The following KCNIP1 variants were observed in gnomAD, a reference collection of about 807,000 sequenced individuals.
KCNIP1 encodes the protein potassium voltage-gated channel interacting protein 1.
Under a neutral mutation model 33.0 loss-of-function variants are expected in KCNIP1, and 18 were observed. The observed-to-expected ratio is 0.55, with a 90% confidence interval of 0.38 to 0.81. The LOEUF (loss-of-function observed/expected upper bound fraction) is 0.81. KCNIP1 is among the 30% of genes least tolerant of loss of function. KCNIP1 has a pLI of 0.00. For synonymous variants in KCNIP1, 93 were observed against 98.3 expected, an observed-to-expected ratio of 0.95 and a Z score of 0.32; for missense variants, 238 against 271.6, an observed-to-expected ratio of 0.88 and a Z score of 0.87.
At chr5:170,409,505 G>T (rs181253236) in intron 1 of KCNIP1, among the ~76,000 whole-genome samples, 1 of 152,202 alleles carries the variant, frequency 6.6e-6, no homozygotes, top group Non-Finnish European at 1.5e-5. Flanking sequence ...CCATGAATAA[G>T]TTCACAGAGG....
At chr5:170,452,009 C>T (rs1369051364) in intron 1 of KCNIP1, among the ~76,000 whole-genome samples, 1 of 151,772 alleles carries the variant, frequency 6.6e-6, no homozygotes, top group Non-Finnish European at 1.5e-5. Context: ...AGGCCATCCT[C>T]ATAAGTCCTG....
At chr5:170,654,031 G>A (rs1163608457) in intron 1 of KCNIP1, among the ~76,000 whole-genome samples, 2 of 151,994 alleles carry the variant, frequency 1.3e-5, no homozygotes, top group Admixed American at 6.6e-5. Context: ...CATCCTTTTC[G>A]CTTTCCAACC....
intron 1 of KCNIP1, among the ~76,000 whole-genome samples, chr5:170,574,695 A>G (rs562664861): frequency 6.6e-6 from 1 of 152,258 alleles, no homozygotes; most frequent in East Asian, 1.9e-4. Context: ...AGGTGGTTGG[A>G]GCCCATCCCA....
At chr5:170,369,394 G>A (rs1581116712) in intron 1 of KCNIP1, among the ~76,000 whole-genome samples, 1 of 152,178 alleles carries the variant, frequency 6.6e-6, no homozygotes. Context: ...TTTATTAACC[G>A]TGACTCTATT....
At chr5:170,433,475 C>T (rs2113450465) in intron 1 of KCNIP1, among the ~76,000 whole-genome samples, 1 of 152,338 alleles carries the variant, frequency 6.6e-6, no homozygotes, top group Admixed American at 6.5e-5. Context: ...GCATGAGCCA[C>T]TGTACCTGGC....
Position 170,723,278 on chromosome 5 carries a change from C to T in KCNIP1, c.435+458C>T, listed in dbSNP as rs866506761. Among the ~76,000 whole-genome samples the T allele has an allele frequency of 7.2e-5, 11 of 152,160 alleles. No homozygotes were observed. The East Asian group carries it at 9.6e-4, about 13-fold the overall frequency. ...AAACTATTTTGCCTATTAATACAACCGCCAAGGGGGTAATGGAAGGTACAG... is the reference window on the plus strand; with the variant it reads ...AAACTATTTTGCCTATTAATACAACTGCCAAGGGGGTAATGGAAGGTACAG... On this transcript the variant is annotated intron_variant, in intron 5 of 7. Transcript: ENST00000328939.
intron 1 of KCNIP1, among the ~76,000 whole-genome samples, chr5:170,441,107 C>A (rs1755977985): frequency 6.6e-6 from 1 of 152,202 alleles, no homozygotes; most frequent in African/African-American, 2.4e-5. Flanking sequence ...ACATGGCTTC[C>A]TTTAGTTCCT....
At position 170,504,095 on chromosome 5, in the gene KCNIP1, G is replaced by A. The variant is rs1032238113; in HGVS notation, c.-478G>A. ...CTGTGGCTCCGCGCCGCGCGGTCCG[G>A]GCTCTGTTCATTCATGATTGGTACT... On this transcript the variant is annotated 5_prime_UTR_variant, in exon 1 of 8. Coordinates refer to ENST00000328939, the MANE Select transcript of KCNIP1 (RefSeq NM_014592.4). The surrounding 1 kb of genome is among the most constrained non-coding windows in gnomAD (Gnocchi z 6.0). 11 of 986,148 alleles carry A rather than the reference G, an allele frequency of 1.1e-5. No individual in the cohort carries two copies. The highest frequency in any genetic ancestry group is 6.2e-5 in the Admixed American group (1 of 16,246). 61.1% of individuals were successfully genotyped at this position (986,148 alleles called of 1,614,324 possible). A position where few individuals can be genotyped will look rare whatever the true frequency, so the allele number is the denominator to read the frequency against.
At chr5:170,665,709 C>T (rs982619875) in intron 1 of KCNIP1, among the ~76,000 whole-genome samples, 6 of 152,172 alleles carry the variant, frequency 3.9e-5, no homozygotes, top group Admixed American at 1.3e-4. Context: ...CATTCCATTT[C>T]GTAGGCATGT....
intron 1 of KCNIP1, among the ~76,000 whole-genome samples, chr5:170,402,763 G>C (rs755742184): frequency 6.6e-6 from 1 of 152,172 alleles, no homozygotes; most frequent in Admixed American, 6.5e-5. Context: ...TCACACTCTT[G>C]GGATGGAGGC....
intron 7 of KCNIP1, among the ~76,000 whole-genome samples, chr5:170,734,269 T>C (rs772701018): frequency 2.2e-4 from 34 of 152,206 alleles, no homozygotes; most frequent in Non-Finnish European, 3.2e-4. Context: ...AAACCTACAA[T>C]TGTGTGATTC....
At chr5:170,528,252 T>G (rs1755652770) in intron 1 of KCNIP1, among the ~76,000 whole-genome samples, 1 of 152,162 alleles carries the variant, frequency 6.6e-6, no homozygotes, top group Non-Finnish European at 1.5e-5. Flanking sequence ...TTCCCCAGTC[T>G]GCAGCCCCTT....
intron 1 of KCNIP1, among the ~76,000 whole-genome samples, chr5:170,607,845 C>T (rs371299630): frequency 1.3e-5 from 2 of 152,158 alleles, no homozygotes; most frequent in African/African-American, 4.8e-5. Context: ...GCCTTCCAGC[C>T]ACAGGATGTG....
intron 1 of KCNIP1, among the ~76,000 whole-genome samples, chr5:170,683,895 T>A (rs1211535083): frequency 2.3e-4 from 1 of 4,380 alleles, no homozygotes; most frequent in Non-Finnish European, 1.2e-3. Flanking sequence ...AGCTAGTGTA[T>A]GTGTGTGTGT....
chr5:170,719,977 G>T (rs989533918), intron 2 of KCNIP1, among the ~76,000 whole-genome samples: 7 of 152,166 alleles, frequency 4.6e-5, no homozygotes, highest in Non-Finnish European at 7.3e-5. Flanking sequence ...GATACCCTTG[G>T]GGAAGTTATT....
At chr5:170,544,613 T>C (rs1756343476) in intron 1 of KCNIP1, among the ~76,000 whole-genome samples, 1 of 152,162 alleles carries the variant, frequency 6.6e-6, no homozygotes, top group Non-Finnish European at 1.5e-5. Context: ...CTCTTCTTTC[T>C]TCCTTTATTT....
At chr5:170,458,224 A>G (rs1284614346) in intron 1 of KCNIP1, among the ~76,000 whole-genome samples, 1 of 152,246 alleles carries the variant, frequency 6.6e-6, no homozygotes, top group Non-Finnish European at 1.5e-5. Context: ...CCTAAGAATA[A>G]TTGGCATTCC....
intron 1 of KCNIP1, among the ~76,000 whole-genome samples, chr5:170,676,542 C>G (rs973751591): frequency 1.3e-5 from 2 of 152,148 alleles, no homozygotes; most frequent in African/African-American, 4.8e-5. Context: ...CAATTATTGG[C>G]ATTATTTTAA....
At chr5:170,734,760 A>T (rs899800939) in intron 7 of KCNIP1, among the ~76,000 whole-genome samples, 2 of 152,256 alleles carry the variant, frequency 1.3e-5, no homozygotes, top group Non-Finnish European at 2.9e-5. Context: ...AGTTTCAAGC[A>T]CATACATAAA....
Sources: allele counts gnomAD v4.1 joint callset (sites outside exome capture counted in the v4.1 genomes callset), GRCh38; gene constraint gnomAD v4.1.1; non-coding constraint Gnocchi (gnomAD v3.1); transcripts MANE v1.5; gene names NCBI Gene and HGNC (gene_info 2026-07-23, HGNC 2026-07-21).